Variants in HDAC9 observed in about 807,000 individuals in gnomAD.
HDAC9 encodes the protein MEF-2 interacting transcription repressor (MITR) protein.
Under a neutral mutation model 139.4 loss-of-function variants are expected in HDAC9, and 41 were observed. The observed-to-expected ratio is 0.29, with a 90% CI of 0.23 to 0.38. The LOEUF (loss-of-function observed/expected upper bound fraction) is 0.38, where lower values mean the gene tolerates loss of function less well. HDAC9 is among the 10% of genes least tolerant of loss of function. The pLI, the probability that HDAC9 is intolerant of heterozygous loss-of-function variation, is 1.00. For synonymous variants in HDAC9, 517 were observed against 476.2 expected (o/e 1.09, Z -1.12); for missense variants, 1,147 against 1,297.0 (o/e 0.88, Z 1.78).
chr7:18,125,442 TG>T (rs201360755), intron 1 of HDAC9, among the ~76,000 whole-genome samples: 5,729 of 151,986 alleles, frequency 0.038, 374 homozygotes, highest in African/African-American at 0.13. Context: ...CGTGTGTGTG[TG>T]TGTGTGTGTG....
At chr7:18,742,964 A>G (rs1036933768) in intron 13 of HDAC9, among the ~76,000 whole-genome samples, 9 of 152,198 alleles carry the variant, frequency 5.9e-5, no homozygotes, top group African/African-American at 2.2e-4. Flanking sequence ...TTTGAAGAGA[A>G]CAAAACATTT....
chr7:18,506,631 A>G (rs1208763782), intron 2 of HDAC9, among the ~76,000 whole-genome samples: 1 of 152,088 alleles, frequency 6.6e-6, no homozygotes, highest in Admixed American at 6.5e-5. Context: ...ACAATTGACT[A>G]TTATAAGCAC....
At chr7:18,483,767 C>A (rs567116353) in intron 1 of HDAC9, among the ~76,000 whole-genome samples, 21 of 152,208 alleles carry the variant, frequency 1.4e-4, no homozygotes, top group African/African-American at 5.1e-4. Context: ...ATTGGCAATT[C>A]TGTTAAAGTT....
At chr7:18,138,534 G>A (rs928758459) in intron 1 of HDAC9, among the ~76,000 whole-genome samples, 39 of 95,572 alleles carry the variant, frequency 4.1e-4, no homozygotes, top group Non-Finnish European at 6.0e-4. Context: ...AGAGGTGTGT[G>A]TGTGTGTGTG....
chr7:18,536,316 C>G (rs1810879595), intron 2 of HDAC9, among the ~76,000 whole-genome samples: 1 of 152,126 alleles, frequency 6.6e-6, no homozygotes, highest in South Asian at 2.1e-4. Flanking sequence ...TCTCATTTCT[C>G]TACTCTACTA....
chr7:18,415,747 C>G (rs10234551), intron 1 of HDAC9, among the ~76,000 whole-genome samples: 7,649 of 152,104 alleles, frequency 0.05, 352 homozygotes, highest in East Asian at 0.2. Context: ...AAGTGTAGTT[C>G]CTTTTAGAGA....
At chr7:18,410,250 G>C (rs916821434) in intron 1 of HDAC9, among the ~76,000 whole-genome samples, 5 of 152,154 alleles carry the variant, frequency 3.3e-5, no homozygotes, top group African/African-American at 1.2e-4. Flanking sequence ...AAGGGAGGTG[G>C]GACTGCATGG....
intron 1 of HDAC9, among the ~76,000 whole-genome samples, chr7:18,489,437 T>C (rs1312798101): frequency 6.6e-6 from 1 of 152,050 alleles, no homozygotes; most frequent in African/African-American, 2.4e-5. Flanking sequence ...AATACCTATT[T>C]GCCAGGTATT....
chr7:18,886,841 C>G (rs1193543324), intron 22 of HDAC9, among the ~76,000 whole-genome samples: 1 of 152,064 alleles, frequency 6.6e-6, no homozygotes, highest in African/African-American at 2.4e-5. Context: ...TGAGCTCAGA[C>G]AAAAAATGGT....
intron 21 of HDAC9, among the ~76,000 whole-genome samples, chr7:18,868,619 T>C (rs1340278507): frequency 6.6e-6 from 1 of 152,196 alleles, no homozygotes; most frequent in East Asian, 1.9e-4. Context: ...ATAACTCCCA[T>C]AGTTCTTGCT....
At chr7:18,130,669 C>T (rs144572711) in intron 1 of HDAC9, among the ~76,000 whole-genome samples, 102 of 152,190 alleles carry the variant, frequency 6.7e-4, no homozygotes, top group African/African-American at 2.2e-3. Flanking sequence ...CCTCCATTCC[C>T]GATGCCCTAG....
chr7:18,248,224 A>G (rs367987435), intron 2 of HDAC9, among the ~76,000 whole-genome samples: 1 of 152,236 alleles, frequency 6.6e-6, no homozygotes, highest in Non-Finnish European at 1.5e-5. Context: ...TGAATTTGCT[A>G]TTTGATGTTT....
At chr7:18,695,317 G>GGAAT (rs1381249836) in intron 12 of HDAC9, among the ~76,000 whole-genome samples, 2 of 152,104 alleles carry the variant, frequency 1.3e-5, no homozygotes, top group African/African-American at 4.8e-5. Flanking sequence ...GCTCAAGGAG[G>GGAAT]GAATATTGGA....
At chr7:18,257,424 CACACACACACACAA>C (rs759300706) in intron 2 of HDAC9, among the ~76,000 whole-genome samples, 32 of 151,032 alleles carry the variant, frequency 2.1e-4, no homozygotes, top group East Asian at 1.4e-3. Flanking sequence ...CACACACACA[CACACACACACACAA>C]AAAGAAAAAA....
chr7:18,687,413 T>C (rs1163700769), intron 12 of HDAC9, among the ~76,000 whole-genome samples: 2 of 151,860 alleles, frequency 1.3e-5, no homozygotes, highest in African/African-American at 4.8e-5. Flanking sequence ...TATGATATAA[T>C]TTACAACAAT....
chr7:18,421,589 G>T lies in HDAC9; in HGVS notation c.-41-74673G>T, dbSNP rs73060370. ...TACAGGGAACTTTTTCCCAAATGAG[G>T]TAACTTTGAAGCTGGGAGACAGATT... is the stretch of plus-strand genomic sequence containing the variant. On this transcript the variant is annotated intron_variant, in intron 1 of 3. Coordinates refer to the HDAC9 transcript ENST00000413509. Among the ~76,000 whole-genome samples the T allele has an allele frequency of 8.3e-3, 1,269 of 152,222 alleles. 10 individuals are homozygous for T. Among genetic ancestry groups the T allele is most frequent in the Middle Eastern group, 0.02 (6 of 294 alleles).
chr7:18,303,209 G>T (rs1798659411), intron 1 of HDAC9, among the ~76,000 whole-genome samples: 1 of 151,970 alleles, frequency 6.6e-6, no homozygotes, highest in African/African-American at 2.4e-5. Context: ...CAAATGGGTA[G>T]TTATGGAATA....
intron 6 of HDAC9, among the ~76,000 whole-genome samples, chr7:18,617,016 C>G (rs1036939804): frequency 2.0e-5 from 3 of 152,192 alleles, no homozygotes; most frequent in Admixed American, 2.0e-4. Context: ...GAACCATGTT[C>G]TGTCCAGAAA....
At chr7:18,370,332 A>G (rs1784500924) in intron 1 of HDAC9, among the ~76,000 whole-genome samples, 1 of 152,128 alleles carries the variant, frequency 6.6e-6, no homozygotes, top group South Asian at 2.1e-4. Flanking sequence ...ATGTTTTGCC[A>G]TATTCTAAAA....
Sources: gnomAD v4.1 joint callset for allele counts (sites outside exome capture counted in the v4.1 genomes callset) on GRCh38, gnomAD v4.1.1 for gene constraint, MANE v1.5 for transcripts, NCBI Gene and HGNC (gene_info 2026-07-23, HGNC 2026-07-21) for gene names.